The following EXOC6 variants were observed in gnomAD, a reference collection of about 807,000 sequenced individuals.
The protein encoded by EXOC6 is exocyst complex component 6, also known as SEC15-like 1.
In EXOC6, 60 loss-of-function variants were observed where a neutral mutation model predicts 112.5. The ratio of observed to expected loss-of-function variants is 0.53; its 90% CI spans 0.43 to 0.66. EXOC6 has a LOEUF of 0.66. Among genes scored for constraint, EXOC6 ranks in the 30% least tolerant of loss-of-function variants. The pLI, the probability that EXOC6 is intolerant of heterozygous loss-of-function variation, is 0.00. For synonymous variants in EXOC6, 295 were observed against 308.0 expected, an observed-to-expected ratio of 0.96 and a Z score of 0.44; for missense variants, 855 against 957.1, an observed-to-expected ratio of 0.89 and a Z score of 1.41.
At chr10:92,928,613 G>T (rs1286622245) in intron 9 of EXOC6, among the ~76,000 whole-genome samples, 191 bp downstream of exon 9, 1 of 150,168 alleles carries the variant, frequency 6.7e-6, no homozygotes, top group East Asian at 1.9e-4. Flanking sequence ...TTTCTCATGA[G>T]CTTACATTCT....
chr10:92,959,377 A>C (rs888359404), intron 17 of EXOC6, among the ~76,000 whole-genome samples: 17 of 152,204 alleles, frequency 1.1e-4, no homozygotes, highest in African/African-American at 4.1e-4. Context: ...TCTGTATGTA[A>C]AATGCAAAAT....
intron 20 of EXOC6, among the ~76,000 whole-genome samples, chr10:93,026,088 C>T (rs1335900685): frequency 1.3e-5 from 2 of 152,194 alleles, no homozygotes; most frequent in South Asian, 2.1e-4. Flanking sequence ...TCACTCCCTT[C>T]GTTGTGTAGT....
At position 93,056,948 on chromosome 10, in the gene EXOC6, G is replaced by A; in HGVS notation, c.2194G>A (p.Asp732Asn). ...GCTCCTTGACCTGTTTATGGTTTGGGATTGGTCTACTTACCTAGCTGATTA... is the reference window on the plus strand; with the variant it reads ...GCTCCTTGACCTGTTTATGGTTTGGAATTGGTCTACTTACCTAGCTGATTA... ...RQLLDLFMVWDWSTYLADYGQ... is the reference protein window; with the variant it reads ...RQLLDLFMVWNWSTYLADYGQ... The change falls in exon 21 of 22, where the codon GAT (aspartate) becomes AAT (asparagine). Residue 732 changes from aspartate (D) to asparagine (N), a missense_variant. Asp to Asn is a conservative substitution (Grantham distance 23). Transcript: ENST00000260762. 6.3e-7 allele frequency: 1 copy of A among 1,598,852 alleles called. No individual in the cohort carries two copies. Among genetic ancestry groups the A allele is most frequent in the Non-Finnish European group, 8.5e-7 (1 of 1,174,940 alleles).
upstream of EXOC6, among the ~76,000 whole-genome samples, chr10:92,845,417 G>C (rs1271869623): frequency 2.0e-5 from 3 of 151,878 alleles, no homozygotes; most frequent in South Asian, 6.2e-4. Flanking sequence ...GCTGGATGTG[G>C]TGACATGTAC....
chr10:92,938,697 A>G (rs61862318), intron 12 of EXOC6, among the ~76,000 whole-genome samples: 3,344 of 152,290 alleles, frequency 0.022, 57 homozygotes, highest in African/African-American at 0.041. Context: ...GTTGATGTAT[A>G]CAATAGTAGA....
intron 8 of EXOC6, among the ~76,000 whole-genome samples, chr10:92,921,175 C>T (rs1442739559): frequency 6.6e-6 from 1 of 151,200 alleles, no homozygotes; most frequent in Non-Finnish European, 1.5e-5. Context: ...TCCTCTATTC[C>T]TCCATTAGTA....
chr10:92,904,838 T>C (rs182045991), intron 5 of EXOC6, among the ~76,000 whole-genome samples: 1 of 152,058 alleles, frequency 6.6e-6, no homozygotes, highest in Non-Finnish European at 1.5e-5. Context: ...CCTCATGCAT[T>C]GTGCTTTGGT....
At chr10:92,834,921 C>A in intron 1 of EXOC6, 1 of 658,686 alleles carries the variant, frequency 1.5e-6, no homozygotes, top group Non-Finnish European at 2.6e-6. Context: ...AAAAAATATT[C>A]TTGCAAAACA....
intron 5 of EXOC6, among the ~76,000 whole-genome samples, chr10:92,906,262 G>T (rs1156299059): frequency 6.6e-6 from 1 of 151,966 alleles, no homozygotes; most frequent in African/African-American, 2.4e-5. Flanking sequence ...TCACATAGTT[G>T]TGTCTTATTT....
intron 1 of EXOC6, among the ~76,000 whole-genome samples, chr10:92,858,032 C>CCT (rs894584193): frequency 7.0e-6 from 1 of 142,838 alleles, no homozygotes; most frequent in African/African-American, 2.6e-5. Flanking sequence ...TCCCCCCCTC[C>CCT]GCCGGCCAGC....
intron 20 of EXOC6, among the ~76,000 whole-genome samples, chr10:93,050,228 G>A (rs1590113839): frequency 6.6e-6 from 1 of 152,140 alleles, no homozygotes; most frequent in African/African-American, 2.4e-5. Flanking sequence ...AAGCCTATTA[G>A]GGATAGTGAG....
chr10:92,930,115 C>G (rs955450472), intron 9 of EXOC6, among the ~76,000 whole-genome samples: 1 of 152,196 alleles, frequency 6.6e-6, no homozygotes, highest in Admixed American at 6.5e-5. Flanking sequence ...TTATTGAATA[C>G]TCCACCCCGG....
intron 20 of EXOC6, among the ~76,000 whole-genome samples, chr10:93,042,703 C>G (rs760052369): frequency 1.3e-5 from 2 of 152,076 alleles, no homozygotes; most frequent in Middle Eastern, 3.2e-3. Flanking sequence ...ATAAGTCACT[C>G]GATCTGTGGT....
intron 20 of EXOC6, among the ~76,000 whole-genome samples, chr10:93,036,191 C>T (rs1048051318): frequency 5.4e-5 from 8 of 149,252 alleles, no homozygotes; most frequent in African/African-American, 2.0e-4. Context: ...GCACTCCAGC[C>T]TGGGCAACAA....
chr10:92,851,769 G>T (rs373477253), intron 1 of EXOC6, among the ~76,000 whole-genome samples: 2 of 151,686 alleles, frequency 1.3e-5, no homozygotes, highest in African/African-American at 2.4e-5. Context: ...TTAAAAAAAG[G>T]TTAAGAAATA....
At chr10:92,864,609 G>A (rs1401832906) in intron 1 of EXOC6, among the ~76,000 whole-genome samples, 2 of 152,144 alleles carry the variant, frequency 1.3e-5, no homozygotes, top group African/African-American at 4.8e-5. Flanking sequence ...GAGTAAAGAA[G>A]GTCTGCCATC....
upstream of EXOC6, among the ~76,000 whole-genome samples, chr10:92,834,160 TAGAC>T (rs1197964744): frequency 6.6e-6 from 1 of 152,054 alleles, no homozygotes; most frequent in Non-Finnish European, 1.5e-5. Flanking sequence ...GCAAAGGAGA[TAGAC>T]AGGGCACCAA....
chr10:93,056,044 G>A (rs898663736), intron 20 of EXOC6, among the ~76,000 whole-genome samples: 3 of 152,100 alleles, frequency 2.0e-5, no homozygotes, highest in Non-Finnish European at 2.9e-5. Context: ...CAAAAAGAAA[G>A]AATATAAAAA....
intron 18 of EXOC6, chr10:92,987,663 G>T: frequency 1.0e-6 from 1 of 975,460 alleles, no homozygotes; most frequent in South Asian, 4.7e-5. Flanking sequence ...ATAAACTAAA[G>T]CTAGCATGTA....
Sources: allele counts gnomAD v4.1 joint callset (sites outside exome capture counted in the v4.1 genomes callset), GRCh38; gene constraint gnomAD v4.1.1; transcripts MANE v1.5; gene names NCBI Gene and HGNC (gene_info 2026-07-23, HGNC 2026-07-21).